The following MCUB variants were observed in gnomAD, a reference collection of about 807,000 sequenced individuals.
MCUB encodes calcium uniporter regulatory subunit MCUb, mitochondrial.
In MCUB, 46 loss-of-function variants were observed where a neutral mutation model predicts 41.4. The ratio of observed to expected loss-of-function variants is 1.11; its 90% CI spans 0.88 to 1.42. MCUB has a LOEUF of 1.42. MCUB is among the 40% of genes most tolerant of loss of function. The probability of loss-of-function intolerance (pLI) is 0.00; values close to 1 mark genes in which losing one functional copy is unlikely to be tolerated. For synonymous variants in MCUB, 148 were observed against 148.2 expected, an observed-to-expected ratio of 1.00 and a Z score of 0.01; for missense variants, 403 against 404.9, an observed-to-expected ratio of 1.00 and a Z score of 0.04.
chr4:109,682,838 C>G lies in MCUB; in HGVS notation c.612+96C>G, dbSNP rs144150130. The G allele has an allele frequency of 1.8e-4, 168 of 921,052 alleles. No homozygotes were observed. The African/African-American group carries it at 2.6e-3, about 14-fold the overall frequency. 57.1% of individuals were successfully genotyped at this position (921,052 alleles called of 1,614,324 possible). A position where few individuals can be genotyped will look rare whatever the true frequency, so the allele number is the denominator to read the frequency against. On this transcript the variant is annotated intron_variant, in intron 5 of 7. Transcript: ENST00000394650. ...CATTTTTCTGAATGCTTTCCATATG[C>G]TAATTTTCTCCTTTACGCCTCACAA...
At chr4:109,600,757 G>T (rs1478203626) in intron 1 of MCUB, among the ~76,000 whole-genome samples, 1 of 151,974 alleles carries the variant, frequency 6.6e-6, no homozygotes, top group African/African-American at 2.4e-5. Flanking sequence ...GCTCTCTATG[G>T]GGCGACTTGA....
At chr4:109,591,157 G>A (rs1223446249) in intron 1 of MCUB, among the ~76,000 whole-genome samples, 1 of 150,152 alleles carries the variant, frequency 6.7e-6, no homozygotes, top group Non-Finnish European at 1.5e-5. Context: ...TTTCACCATC[G>A]TCCTCTCTCA....
chr4:109,593,653 A>C (rs1430218743), intron 1 of MCUB, among the ~76,000 whole-genome samples: 1 of 152,248 alleles, frequency 6.6e-6, no homozygotes, highest in Non-Finnish European at 1.5e-5. Flanking sequence ...GACTTACTTG[A>C]AAAGCAGCTC....
chr4:109,681,729 C>G (rs1579099052), intron 4 of MCUB, among the ~76,000 whole-genome samples: 1 of 152,228 alleles, frequency 6.6e-6, no homozygotes, highest in South Asian at 2.1e-4. Flanking sequence ...GGGTGCCTCG[C>G]TGGATCAGGA....
At chr4:109,619,118 G>A (rs541633781) in intron 1 of MCUB, among the ~76,000 whole-genome samples, 1 of 152,068 alleles carries the variant, frequency 6.6e-6, no homozygotes, top group African/African-American at 2.4e-5. Flanking sequence ...CCAGGCTGGA[G>A]TGCAATGGTG....
At chr4:109,623,112 A>G (rs1245771545) in intron 1 of MCUB, among the ~76,000 whole-genome samples, 1 of 152,216 alleles carries the variant, frequency 6.6e-6, no homozygotes, top group Non-Finnish European at 1.5e-5. Context: ...CCATTGCACA[A>G]GAGTTGGGAC....
chr4:109,637,980 A>G lies in MCUB; in HGVS notation c.100-21031A>G, dbSNP rs553858567. Among the ~76,000 whole-genome samples, 11 of 152,362 alleles carry G rather than the reference A, an allele frequency of 7.2e-5. No individual in the cohort carries two copies. The East Asian group carries it at 2.1e-3, about 29-fold the overall frequency. Reference sequence around the variant, plus strand: ...GATATTGCAGGTTTGGTTCCAGACCACTACAGTAAAGCAAGTCTTGCAATA... The same window carrying G: ...GATATTGCAGGTTTGGTTCCAGACCGCTACAGTAAAGCAAGTCTTGCAATA... On this transcript the variant is annotated intron_variant, in intron 1 of 7. Coordinates refer to ENST00000394650, the MANE Select transcript of MCUB (RefSeq NM_017918.5).
chr4:109,599,067 A>G (rs1727664411), intron 1 of MCUB, among the ~76,000 whole-genome samples: 1 of 152,172 alleles, frequency 6.6e-6, no homozygotes, highest in African/African-American at 2.4e-5. Flanking sequence ...TCATCTGGGG[A>G]AAAAAGGTGA....
At chr4:109,561,108 C>CT (rs1196573885) in intron 1 of MCUB, 1 of 152,446 alleles carries the variant, frequency 6.6e-6, no homozygotes, top group Non-Finnish European at 1.5e-5. Context: ...CCAAAAAAGA[C>CT]TAGAAGAAGG....
intron 1 of MCUB, among the ~76,000 whole-genome samples, chr4:109,580,744 T>C (rs1213220711): frequency 2.0e-5 from 3 of 152,236 alleles, no homozygotes; most frequent in Non-Finnish European, 4.4e-5. Context: ...TCCTGTGCAT[T>C]TGCTTAAGTT....
intron 3 of MCUB, among the ~76,000 whole-genome samples, chr4:109,662,073 G>A (rs1331194724): frequency 1.3e-5 from 2 of 152,160 alleles, no homozygotes; most frequent in African/African-American, 4.8e-5. Flanking sequence ...GGAGGGAGCT[G>A]GGAGAAAGGA....
Position 109,581,653 on chromosome 4 carries a change from C to T in MCUB, c.99+21217C>T, listed in dbSNP as rs1383458129. 3.3e-5 allele frequency among the ~76,000 whole-genome samples: 5 copies of T among 152,204 alleles called. No homozygotes were observed. The East Asian group carries it at 7.7e-4, about 24-fold the overall frequency. On this transcript the variant is annotated intron_variant, in intron 1 of 7. Coordinates refer to ENST00000394650, the MANE Select transcript of MCUB (RefSeq NM_017918.5). Reference sequence around the variant, plus strand: ...ACTTATCTGACGAAGGGCTAATATCCAGAATCTACAATGAACTCAAACAAA... The same window carrying T: ...ACTTATCTGACGAAGGGCTAATATCTAGAATCTACAATGAACTCAAACAAA...
chr4:109,686,232 G>T (rs1050600374), intron 7 of MCUB, among the ~76,000 whole-genome samples: 8 of 152,122 alleles, frequency 5.3e-5, no homozygotes, highest in African/African-American at 1.7e-4. Context: ...CCGCCTCCTG[G>T]GTTCAAGTGA....
At chr4:109,597,992 C>A (rs1489009090) in intron 1 of MCUB, among the ~76,000 whole-genome samples, 3 of 145,736 alleles carry the variant, frequency 2.1e-5, no homozygotes, top group Non-Finnish European at 4.5e-5. Context: ...ACATCTCAGA[C>A]GATGGGCGGC....
At chr4:109,642,547 T>C (rs1032530759) in intron 1 of MCUB, among the ~76,000 whole-genome samples, 2 of 152,254 alleles carry the variant, frequency 1.3e-5, no homozygotes, top group Non-Finnish European at 2.9e-5. Flanking sequence ...CTCTGATTTA[T>C]AGTCATTAGG....
chr4:109,564,239 T>C (rs1159433501), intron 1 of MCUB, among the ~76,000 whole-genome samples: 1 of 150,974 alleles, frequency 6.6e-6, no homozygotes, highest in East Asian at 2.0e-4. Flanking sequence ...TTCAAACGAT[T>C]CCCCTGCCTC....
chr4:109,635,402 G>A (rs530513867), intron 1 of MCUB, among the ~76,000 whole-genome samples: 10 of 152,220 alleles, frequency 6.6e-5, no homozygotes, highest in African/African-American at 7.2e-5. Context: ...CAGTTCCTGC[G>A]GCCTTCTTAC....
At chr4:109,606,727 C>G (rs549494689) in intron 1 of MCUB, among the ~76,000 whole-genome samples, 1 of 152,222 alleles carries the variant, frequency 6.6e-6, no homozygotes, top group Non-Finnish European at 1.5e-5. Flanking sequence ...ATTTTACTGT[C>G]TCTTTAAAAG....
intron 1 of MCUB, among the ~76,000 whole-genome samples, chr4:109,570,166 C>T (rs940728423): frequency 6.6e-6 from 1 of 152,094 alleles, no homozygotes; most frequent in African/African-American, 2.4e-5. Context: ...GTTTATTTTA[C>T]TGCTCATTTG....
Sources: allele counts gnomAD v4.1 joint callset (sites outside exome capture counted in the v4.1 genomes callset), GRCh38; gene constraint gnomAD v4.1.1; transcripts MANE v1.5; gene names NCBI Gene and HGNC (gene_info 2026-07-23, HGNC 2026-07-21).